The following SCYL2 variants were observed in gnomAD, a reference collection of about 807,000 sequenced individuals.
The protein encoded by SCYL2 is SCY1-like protein 2.
SCYL2 carries 36 observed loss-of-function variants against 100.4 expected under a neutral mutation model. The observed-to-expected ratio is 0.36, with a 90% CI of 0.27 to 0.47. SCYL2 has a LOEUF of 0.47. Ranked by LOEUF, SCYL2 falls within the 20% of genes least tolerant of loss-of-function variation. The pLI is 1.00. For synonymous variants in SCYL2, 330 were observed against 359.2 expected (o/e 0.92, Z 0.92); for missense variants, 902 against 1,083.9 (o/e 0.83, Z 2.36).
intron 1 of SCYL2, among the ~76,000 whole-genome samples, chr12:100,278,388 T>TG (rs1168543856): frequency 6.6e-6 from 1 of 152,024 alleles, no homozygotes; most frequent in Non-Finnish European, 1.5e-5. Context: ...TTTGTAGAGA[T>TG]GGGGTCTTAC....
At chr12:100,297,165 A>G (rs1289176360) in intron 3 of SCYL2, among the ~76,000 whole-genome samples, 1 of 152,202 alleles carries the variant, frequency 6.6e-6, no homozygotes, top group East Asian at 1.9e-4. Context: ...TAATTATAAT[A>G]GCAATGGTAA....
rs763175920 is a variant in SCYL2, at chr12:100,291,666, T to A, written c.335+6T>A. On this transcript the variant is annotated splice_donor_region_variant and intron_variant, in intron 3 of 17. Coordinates refer to ENST00000360820, the MANE Select transcript of SCYL2 (RefSeq NM_017988.6). ...CATCCTTTAGAAGAATCCAGGTAAA[T>A]TTTTACAAAAACTTACATAGTAGAC... 39 of 1,566,142 alleles carry A rather than the reference T, an allele frequency of 2.5e-5. No individual in the cohort carries two copies. The highest frequency in any genetic ancestry group is 3.3e-5 in the Non-Finnish European group (38 of 1,165,762).
intron 4 of SCYL2, among the ~76,000 whole-genome samples, chr12:100,300,110 A>G (rs139852797): frequency 1.3e-5 from 2 of 152,340 alleles, no homozygotes; most frequent in Non-Finnish European, 2.9e-5. Flanking sequence ...TCTGATCAAT[A>G]ATGATAGCGA....
rs764668231 is a variant in SCYL2 at position 100,291,492 on chromosome 12, CTTTTA to C, written c.178-7_178-3del. On this transcript the variant is annotated splice_polypyrimidine_tract_variant and splice_region_variant and intron_variant, in intron 2 of 17. Transcript: ENST00000360820. ...ATTTCTTGACTAAAATTACACAATT[CTTTTA>C]TTTAGGAAGTGGCAGTTTTTGTCTT... The C allele has an allele frequency of 2.7e-6, 4 of 1,473,352 alleles. No homozygotes were observed. Among genetic ancestry groups the C allele is most frequent in the African/African-American group, 1.4e-5 (1 of 69,476 alleles). The allele number at this position is 1,473,352 out of a possible 1,614,324, so 91.3% of individuals were successfully genotyped here. A position where few individuals can be genotyped will look rare whatever the true frequency, so the allele number is the denominator to read the frequency against.
chr12:100,292,255 C>T (rs1023087275), intron 3 of SCYL2, among the ~76,000 whole-genome samples: 7 of 152,176 alleles, frequency 4.6e-5, no homozygotes, highest in Admixed American at 1.3e-4. Flanking sequence ...TAAACCTTTT[C>T]GACATTACTT....
chr12:100,332,030 C>T (rs912187449), intron 13 of SCYL2, among the ~76,000 whole-genome samples: 1 of 152,068 alleles, frequency 6.6e-6, no homozygotes, highest in South Asian at 2.1e-4. Context: ...AGGCTGTGCT[C>T]TACTATGGTG....
chr12:100,338,153 A>G (rs140798307), intron 17 of SCYL2, among the ~76,000 whole-genome samples: 4,924 of 152,326 alleles, frequency 0.032, 100 homozygotes, highest in African/African-American at 0.058. Flanking sequence ...TACTTTTTTA[A>G]GAATAGAGGA....
chr12:100,306,622 A>G (rs1037492013), intron 4 of SCYL2, among the ~76,000 whole-genome samples: 1 of 152,212 alleles, frequency 6.6e-6, no homozygotes, highest in African/African-American at 2.4e-5. Context: ...CTCCTATTCA[A>G]CATTGTATTG....
intron 1 of SCYL2, among the ~76,000 whole-genome samples, chr12:100,282,115 C>G (rs2096299210): frequency 1.3e-5 from 2 of 151,944 alleles, no homozygotes; most frequent in Admixed American, 1.3e-4. Flanking sequence ...GCTTCTGTCT[C>G]CCGGGTTCAA....
At chr12:100,296,934 T>A (rs1026161868) in intron 3 of SCYL2, 7 of 152,222 alleles carry the variant, frequency 4.6e-5, no homozygotes, top group Non-Finnish European at 1.0e-4. Flanking sequence ...AGCTTCTGCA[T>A]ATGCTCTCAT....
At chr12:100,327,123 TTA>T (rs1428339355) in intron 12 of SCYL2, 3 of 334,410 alleles carry the variant, frequency 9.0e-6, no homozygotes, top group African/African-American at 6.6e-5. Context: ...TTTCTCTGCG[TTA>T]TGTTATTTTA....
chr12:100,280,988 A>G (rs17030075), intron 1 of SCYL2, among the ~76,000 whole-genome samples: 5,949 of 113,688 alleles, frequency 0.052, 448 homozygotes, highest in African/African-American at 0.18. Flanking sequence ...CTGTATGCTT[A>G]TGTGTATTTT....
chr12:100,334,990 TTAAAG>T (rs1207743111), intron 14 of SCYL2, among the ~76,000 whole-genome samples: 1 of 152,004 alleles, frequency 6.6e-6, no homozygotes, highest in East Asian at 1.9e-4. Context: ...AGATGAAGAC[TTAAAG>T]TAAATACACA....
At chr12:100,322,044 CAAA>C (rs35666642) in intron 10 of SCYL2, among the ~76,000 whole-genome samples, 3 of 66,816 alleles carry the variant, frequency 4.5e-5, no homozygotes, top group Non-Finnish European at 3.0e-5. Flanking sequence ...CAAGACTCTC[CAAA>C]AAAAAAAAAA....
intron 3 of SCYL2, among the ~76,000 whole-genome samples, chr12:100,296,967 A>G (rs916867982): frequency 3.9e-5 from 6 of 152,206 alleles, no homozygotes; most frequent in Non-Finnish European, 7.3e-5. Context: ...TTTAAGGCAG[A>G]AGAAAAGTTA....
intron 2 of SCYL2, among the ~76,000 whole-genome samples, chr12:100,287,113 C>T (rs185693127): frequency 7.9e-4 from 121 of 152,272 alleles, no homozygotes; most frequent in Non-Finnish European, 1.4e-3. Context: ...TTCCAAAAGC[C>T]ACCTCTGGTG....
chr12:100,338,470 C>G (rs1459797103), intron 17 of SCYL2, 58 bp from the exon 18 acceptor site: 2 of 1,329,998 alleles, frequency 1.5e-6, no homozygotes, highest in East Asian at 4.9e-5. Flanking sequence ...CAAATGTTTA[C>G]TAATTATAAA....
chr12:100,314,400 A>T, intron 7 of SCYL2, 89 bp from the exon 8 acceptor site: 2 of 939,866 alleles, frequency 2.1e-6, no homozygotes, highest in East Asian at 2.9e-5. Flanking sequence ...GTTTCTGAGT[A>T]TTTTTTTTAC....
At chr12:100,330,644 TGA>T (rs1464539593) in intron 13 of SCYL2, among the ~76,000 whole-genome samples, 1 of 152,086 alleles carries the variant, frequency 6.6e-6, no homozygotes, top group Non-Finnish European at 1.5e-5. Flanking sequence ...GATTTAGAAC[TGA>T]GAGTGAATTA....
Sources: gnomAD v4.1 joint callset for allele counts (sites outside exome capture counted in the v4.1 genomes callset) on GRCh38, gnomAD v4.1.1 for gene constraint, MANE v1.5 for transcripts, NCBI Gene and HGNC (gene_info 2026-07-23, HGNC 2026-07-21) for gene names.